CCDC7: variants seen among roughly 807,000 people sequenced by gnomAD.
CCDC7 encodes coiled-coil domain containing 7, also known as coiled-coil domain-containing protein 7.
In CCDC7, 183 loss-of-function variants were observed where a neutral mutation model predicts 196.9. The ratio of observed to expected loss-of-function variants is 0.93; its 90% CI spans 0.82 to 1.05. CCDC7 has a LOEUF of 1.05. CCDC7 is among the 50% of genes least tolerant of loss of function. The pLI, the probability that CCDC7 is intolerant of heterozygous loss-of-function variation, is 0.00. For synonymous variants in CCDC7, 525 were observed against 484.6 expected (o/e 1.08, Z -1.10); for missense variants, 1,540 against 1,482.2 (o/e 1.04, Z -0.64).
intron 18 of CCDC7, among the ~76,000 whole-genome samples, chr10:32,607,122 C>T (rs555255270): frequency 1.3e-5 from 2 of 152,196 alleles, no homozygotes; most frequent in South Asian, 2.1e-4. Context: ...TGTGGCATCT[C>T]CCCTGACCCA....
intron 18 of CCDC7, among the ~76,000 whole-genome samples, chr10:32,594,543 C>A (rs2060117142): frequency 6.6e-6 from 1 of 152,148 alleles, no homozygotes; most frequent in African/African-American, 2.4e-5. Context: ...CCCTTTATTT[C>A]TTTCTCTTGC....
intron 29 of CCDC7, among the ~76,000 whole-genome samples, chr10:32,791,623 C>T (rs1308703706): frequency 2.0e-5 from 3 of 148,808 alleles, no homozygotes; most frequent in Non-Finnish European, 4.5e-5. Flanking sequence ...CTAGATCAAG[C>T]AGAAGAAAAA....
intron 29 of CCDC7, among the ~76,000 whole-genome samples, chr10:32,789,559 T>TA (rs760444597): frequency 0.014 from 1,848 of 131,656 alleles, 16 homozygotes; most frequent in Non-Finnish European, 0.016. Flanking sequence ...AATAAAAAAG[T>TA]AAAAAAAAAA....
chr10:32,856,840 G>T (rs1263294620), intron 41 of CCDC7, among the ~76,000 whole-genome samples: 1 of 152,098 alleles, frequency 6.6e-6, no homozygotes, highest in Non-Finnish European at 1.5e-5. Context: ...GCCTGATCCT[G>T]GGCCTGAGAT....
intron 3 of CCDC7, among the ~76,000 whole-genome samples, chr10:32,457,399 A>C (rs962458115): frequency 6.6e-6 from 1 of 152,130 alleles, no homozygotes; most frequent in Non-Finnish European, 1.5e-5. Flanking sequence ...CATTCCCCCT[A>C]TATGCCACAT....
Position 32,474,024 on chromosome 10 carries a change from G to C in CCDC7, c.796+1G>C. ...AAAGATGTTTCTGCAACAGAACCAC[G>C]TAAGTTTCCACTCATTAAAGCATTA... On this transcript the variant is annotated splice_donor_variant, in intron 8 of 41. Coordinates refer to ENST00000639629, the Ensembl canonical transcript of CCDC7. LOFTEE classifies it high-confidence loss of function. 6.2e-7 allele frequency: 1 copy of C among 1,610,686 alleles called. No individual in the cohort carries two copies. The highest frequency in any genetic ancestry group is 8.5e-7 in the Non-Finnish European group (1 of 1,178,638).
chr10:32,525,627 A>G (rs117300946), intron 11 of CCDC7, among the ~76,000 whole-genome samples: 3,172 of 152,204 alleles, frequency 0.021, 47 homozygotes, highest in Non-Finnish European at 0.027. Context: ...AAGGGTCTGG[A>G]TTTTGAAGAG....
chr10:32,867,824 A>T (rs1328239674), intron 41 of CCDC7, among the ~76,000 whole-genome samples: 2 of 151,970 alleles, frequency 1.3e-5, no homozygotes, highest in South Asian at 2.1e-4. Flanking sequence ...AGTCGCATTA[A>T]ATACATTCAC....
intron 41 of CCDC7, among the ~76,000 whole-genome samples, chr10:32,870,545 C>G (rs372449209): frequency 6.6e-6 from 1 of 152,118 alleles, no homozygotes; most frequent in African/African-American, 2.4e-5. Context: ...TCTCCAAACA[C>G]GGACAATTTG....
Position 32,703,858 on chromosome 10 carries a change from A to C in CCDC7, c.2459-7762A>C, listed in dbSNP as rs763493800. 1.6e-4 allele frequency among the ~76,000 whole-genome samples: 25 copies of C among 152,164 alleles called. 1 individual carries two copies. Among genetic ancestry groups the C allele is most frequent in the Non-Finnish European group, 2.6e-4 (18 of 67,994 alleles). The stretch of plus-strand genomic sequence containing the variant: ...ACGTAGTTCTCGTGCCTTGGTTTTC[A>C]GCTCCATCATGTCCTTTAAGGACCT... On this transcript the variant is annotated intron_variant, in intron 24 of 41. Transcript: ENST00000639629.
intron 20 of CCDC7, among the ~76,000 whole-genome samples, 180 bp from the exon 22 acceptor site, chr10:32,663,874 C>T (rs187053518): frequency 6.9e-4 from 105 of 151,946 alleles, no homozygotes; most frequent in African/African-American, 2.4e-3. Flanking sequence ...ACTACTTCAC[C>T]TCAGATCCTT....
At chr10:32,516,263 T>TA (rs1438441491) in intron 9 of CCDC7, among the ~76,000 whole-genome samples, 2 of 152,120 alleles carry the variant, frequency 1.3e-5, no homozygotes, top group Non-Finnish European at 2.9e-5. Context: ...CATGAAAAGA[T>TA]ACTTAACATT....
chr10:32,591,948 T>C (rs891104126), intron 18 of CCDC7, among the ~76,000 whole-genome samples: 10 of 152,312 alleles, frequency 6.6e-5, no homozygotes, highest in Non-Finnish European at 1.0e-4. Flanking sequence ...TTTTGGTTCT[T>C]ATGAAGGTCC....
chr10:32,642,692 G>A (rs1163088196), intron 20 of CCDC7, among the ~76,000 whole-genome samples: 1 of 152,206 alleles, frequency 6.6e-6, no homozygotes, highest in East Asian at 1.9e-4. Flanking sequence ...ACTCCGCAGT[G>A]TGATGAACCC....
intron 41 of CCDC7, among the ~76,000 whole-genome samples, chr10:32,871,870 T>C (rs925782306): frequency 2.0e-5 from 3 of 152,322 alleles, no homozygotes; most frequent in East Asian, 1.9e-4. Context: ...CCAGTAGTCA[T>C]TCAGGAGCAG....
chr10:32,835,063 C>T (rs2092496255), intron 33 of CCDC7, among the ~76,000 whole-genome samples, 165 bp downstream of exon 34: 1 of 152,072 alleles, frequency 6.6e-6, no homozygotes, highest in Non-Finnish European at 1.5e-5. Flanking sequence ...ATCAATGGAA[C>T]ATTAGTTAGA....
At chr10:32,876,604 C>G (rs144903140), downstream of CCDC7, 2 of 382,326 alleles carry the variant, frequency 5.2e-6, no homozygotes, top group African/African-American at 4.2e-5. Context: ...TTTCAAATTA[C>G]TTTATTACTT....
intron 31 of CCDC7, among the ~76,000 whole-genome samples, chr10:32,822,196 A>T (rs1409986566): frequency 6.6e-6 from 1 of 152,232 alleles, no homozygotes; most frequent in Non-Finnish European, 1.5e-5. Flanking sequence ...AAAAGGTATG[A>T]GTTAAATGTT....
intron 28 of CCDC7, among the ~76,000 whole-genome samples, chr10:32,731,977 C>T (rs1016679588): frequency 1.5e-4 from 23 of 152,068 alleles, no homozygotes; most frequent in African/African-American, 5.1e-4. Context: ...TGCTTGAATC[C>T]GTGAAGCGCA....
Sources: gnomAD v4.1 joint callset for allele counts (sites outside exome capture counted in the v4.1 genomes callset) on GRCh38, gnomAD v4.1.1 for gene constraint, MANE v1.5 for transcripts, NCBI Gene and HGNC (gene_info 2026-07-23, HGNC 2026-07-21) for gene names.